The following MORC3 variants were observed in gnomAD, a reference collection of about 807,000 sequenced individuals.
MORC3 encodes the protein MORC family CW-type zinc finger protein 3.
Under a neutral mutation model 109.1 loss-of-function variants are expected in MORC3, and 31 were observed. That is an observed-to-expected ratio of 0.28 (90% CI 0.21 to 0.38). The LOEUF (loss-of-function observed/expected upper bound fraction) is 0.38, where lower values mean the gene tolerates loss of function less well. MORC3 is among the 10% of genes least tolerant of loss of function. The pLI is 1.00. For synonymous variants in MORC3, 395 were observed against 380.7 expected (o/e 1.04, Z -0.44); for missense variants, 867 against 1,135.8 (o/e 0.76, Z 3.40).
intron 1 of MORC3, among the ~76,000 whole-genome samples, chr21:36,326,703 C>T (rs1170688560): frequency 2.0e-5 from 3 of 152,010 alleles, no homozygotes; most frequent in Non-Finnish European, 4.4e-5. Context: ...TTGTGACTGC[C>T]TTATTCATTA....
At chr21:36,375,061 A>G in intron 16 of MORC3, 82 bp from the exon 17 acceptor site, 1 of 1,360,004 alleles carries the variant, frequency 7.4e-7, no homozygotes, top group Non-Finnish European at 1.0e-6. Flanking sequence ...CGGAGATTTG[A>G]TTTTGATATT....
At chr21:36,328,122 C>T in intron 1 of MORC3, among the ~76,000 whole-genome samples, 1 of 151,802 alleles carries the variant, frequency 6.6e-6, no homozygotes, top group East Asian at 1.9e-4. Context: ...AATGATCCAC[C>T]TGCCGCGGCC....
chr21:36,328,812 TG>T (rs554234669), intron 1 of MORC3, among the ~76,000 whole-genome samples: 56 of 150,928 alleles, frequency 3.7e-4, no homozygotes, highest in African/African-American at 1.3e-3. Flanking sequence ...TTAGCTTCCC[TG>T]GGCCACATTG....
chr21:36,326,377 T>A (rs2085248190), intron 1 of MORC3, among the ~76,000 whole-genome samples: 2 of 151,720 alleles, frequency 1.3e-5, no homozygotes, highest in South Asian at 4.2e-4. Context: ...TAAAAAAAAA[T>A]TAGCCGGGCA....
intron 14 of MORC3, among the ~76,000 whole-genome samples, chr21:36,367,976 AC>A (rs2146338851): frequency 6.6e-6 from 1 of 152,308 alleles, no homozygotes; most frequent in Non-Finnish European, 1.5e-5. Context: ...TGTTCTGTGT[AC>A]CCTTCATTAA....
In MORC3 at chr21:36,366,093, C is replaced by T. The variant is rs180676695; in HGVS notation, c.1619+1834C>T. On this transcript the variant is annotated intron_variant, in intron 14 of 16. Coordinates refer to ENST00000400485, the MANE Select transcript of MORC3 (RefSeq NM_015358.3). ...GCAGGTTTGTTACATGGGTATATGG[C>T]GTGATCCTGAGGTTTGGGGTATGAA... 2.0e-3 allele frequency among the ~76,000 whole-genome samples: 302 copies of T among 152,122 alleles called. 1 individual carries two copies. The highest frequency in any genetic ancestry group is 6.7e-3 in the African/African-American group (277 of 41,508).
At chr21:36,353,383 A>C (rs2085598208) in intron 9 of MORC3, among the ~76,000 whole-genome samples, 1 of 143,328 alleles carries the variant, frequency 7.0e-6, no homozygotes, top group Non-Finnish European at 1.5e-5. Flanking sequence ...AAAAAAAATC[A>C]TGGCCGGGTG....
intron 5 of MORC3, 135 bp from the exon 6 acceptor site, chr21:36,341,264 C>T (rs2085442187): frequency 7.9e-6 from 6 of 757,346 alleles, no homozygotes; most frequent in South Asian, 4.1e-5. Flanking sequence ...CTTGCCTTTG[C>T]ACCCCCAACC....
rs367997413 is a variant in MORC3 at position 36,337,804 on chromosome 21, G to A, written c.318G>A (p.Ser106=). The change falls in exon 4 of 17, where the codon TCG becomes TCA. Residue 106 remains serine, a synonymous_variant. Transcript: ENST00000400485. ...PVGLYGNGFK[S]GSMRLGKDAI... The stretch of plus-strand genomic sequence containing the variant: ...GATTATATGGGAATGGCTTCAAGTC[G>A]GGTTCTATGCGTCTGGGTAAAGACG... The A allele has an allele frequency of 5.3e-5, 86 of 1,614,090 alleles. No homozygotes were observed. The highest frequency in any genetic ancestry group is 6.4e-5 in the Non-Finnish European group (76 of 1,180,014).
intron 1 of MORC3, among the ~76,000 whole-genome samples, chr21:36,328,038 A>G (rs1460658801): frequency 6.6e-6 from 1 of 151,724 alleles, no homozygotes; most frequent in Non-Finnish European, 1.5e-5. Context: ...CACCAGGTCT[A>G]GCTAATTTTT....
chr21:36,362,343 G>C, intron 13 of MORC3, 115 bp downstream of exon 13: 1 of 1,146,954 alleles, frequency 8.7e-7, no homozygotes, highest in Admixed American at 2.7e-5. Flanking sequence ...AGGAGTTCAA[G>C]ACCAGCCTGG....
chr21:36,321,455 G>A (rs552304844), intron 1 of MORC3, among the ~76,000 whole-genome samples: 2 of 151,826 alleles, frequency 1.3e-5, no homozygotes, highest in South Asian at 4.2e-4. Flanking sequence ...TACGTATTCT[G>A]GATAAAGGTC....
At chr21:36,335,469 C>T (rs1432734379) in intron 2 of MORC3, among the ~76,000 whole-genome samples, 1 of 151,954 alleles carries the variant, frequency 6.6e-6, no homozygotes, top group Admixed American at 6.6e-5. Context: ...GCACATGCCA[C>T]CGCTCCTGGC....
At chr21:36,327,723 A>T (rs2085264894) in intron 1 of MORC3, among the ~76,000 whole-genome samples, 1 of 151,164 alleles carries the variant, frequency 6.6e-6, no homozygotes, top group East Asian at 1.9e-4. Flanking sequence ...TGTTCGGTAA[A>T]TTGGCTGTTA....
intron 14 of MORC3, among the ~76,000 whole-genome samples, chr21:36,365,227 G>T (rs942435252): frequency 3.3e-5 from 5 of 152,124 alleles, no homozygotes; most frequent in Non-Finnish European, 5.9e-5. Context: ...ATCTTGACTG[G>T]ATTGATCAGC....
chr21:36,325,595 G>A (rs892818006), intron 1 of MORC3, among the ~76,000 whole-genome samples: 1 of 152,150 alleles, frequency 6.6e-6, no homozygotes, highest in Non-Finnish European at 1.5e-5. Context: ...CCCTGTTCCC[G>A]TTAAATAGTA....
chr21:36,369,493 G>A lies in MORC3; in HGVS notation c.2125G>A (p.Glu709Lys). 1 of 1,613,922 alleles carries A rather than the reference G, an allele frequency of 6.2e-7. No homozygotes were observed. The highest frequency in any genetic ancestry group is 2.2e-5 in the East Asian group (1 of 44,894). The stretch of plus-strand genomic sequence containing the variant: ...AAACCAGCTACTCCTTGTCACTGAG[G>A]AAAAAGAGAATTATAAAAGACAGTG... The part of the protein sequence containing the change: ...LRNQLLLVTE[E>K]KENYKRQCHM... Residue 709 changes from glutamate to lysine, a missense_variant, in exon 15 of 17, where the codon GAA (glutamate) becomes AAA (lysine). Glu to Lys is a moderately conservative substitution (Grantham distance 56). This residue lies in a region of MORC3 where 486 missense variants were observed against 502.1 expected (regional missense o/e 0.97). Coordinates refer to ENST00000400485, the MANE Select transcript of MORC3 (RefSeq NM_015358.3).
At chr21:36,354,561 C>T (rs1273262329) in intron 9 of MORC3, among the ~76,000 whole-genome samples, 1 of 152,106 alleles carries the variant, frequency 6.6e-6, no homozygotes, top group East Asian at 1.9e-4. Context: ...CCTCTGTCTT[C>T]CAAAGTGCTG....
At chr21:36,349,643 T>A (rs2085549067) in intron 9 of MORC3, among the ~76,000 whole-genome samples, 1 of 152,264 alleles carries the variant, frequency 6.6e-6, no homozygotes, top group Non-Finnish European at 1.5e-5. Context: ...GTAATTATAA[T>A]TTTGTAATTA....
Sources: gnomAD v4.1 joint callset for allele counts (sites outside exome capture counted in the v4.1 genomes callset) on GRCh38, gnomAD v4.1.1 for gene constraint, gnomAD v4.1.1 regional missense constraint, MANE v1.5 for transcripts, NCBI Gene and HGNC (gene_info 2026-07-23, HGNC 2026-07-21) for gene names.